The following NCKAP5L variants were observed in gnomAD, a reference collection of about 807,000 sequenced individuals.
NCKAP5L encodes the protein NCK associated protein 5 like, also known as nck-associated protein 5-like.
Under a neutral mutation model 103.2 loss-of-function variants are expected in NCKAP5L, and 54 were observed. The ratio of observed to expected loss-of-function variants is 0.52; its 90% CI spans 0.42 to 0.66. The LOEUF (loss-of-function observed/expected upper bound fraction) is 0.66, where lower values mean the gene tolerates loss of function less well. Among genes scored for constraint, NCKAP5L ranks in the 30% least tolerant of loss-of-function variants. NCKAP5L has a pLI of 0.00. For missense variants in NCKAP5L, 1,733 were observed against 1,750.6 expected, an observed-to-expected ratio of 0.99 and a Z score of 0.18; for synonymous variants, 762 against 748.6, an observed-to-expected ratio of 1.02 and a Z score of -0.29.
In NCKAP5L at chr12:49,792,738, C is replaced by G; in HGVS notation, c.3589G>C (p.Ala1197Pro). ...GCAGCGGGTAGCAGTGCAGGGAAGG[C>G]TGGCATGCTGGGGTGCCGCCCACTC... ...LVSGRHPSMP[A>P]FPALLPAAPG... The change falls in exon 11 of 13, where the codon GCC becomes CCC. Residue 1197 changes from alanine (A) to proline (P), a missense_variant. Coordinates refer to ENST00000335999, the MANE Select transcript of NCKAP5L (RefSeq NM_001037806.4). The surrounding 1 kb of genome is among the most constrained non-coding windows in gnomAD (Gnocchi z 4.5). The G allele has an allele frequency of 6.2e-7, 1 of 1,609,854 alleles. No individual in the cohort carries two copies. The highest frequency in any genetic ancestry group is 8.5e-7 in the Non-Finnish European group (1 of 1,178,752).
chr12:49,825,084 C>A (rs1042064992), intron 1 of NCKAP5L, among the ~76,000 whole-genome samples: 1 of 152,176 alleles, frequency 6.6e-6, no homozygotes, highest in African/African-American at 2.4e-5. Flanking sequence ...CTCACCACCG[C>A]ATGAATCACT....
chr12:49,812,204 T>A, intron 1 of NCKAP5L, among the ~76,000 whole-genome samples: 1 of 152,116 alleles, frequency 6.6e-6, no homozygotes, highest in East Asian at 1.9e-4. Context: ...CCCCACCCAG[T>A]CACAGGCAAC....
chr12:49,800,275 C>T (rs897915283), intron 6 of NCKAP5L, among the ~76,000 whole-genome samples: 1 of 152,220 alleles, frequency 6.6e-6, no homozygotes, highest in South Asian at 2.1e-4. Context: ...CCACACTGTC[C>T]CCTGGGTTCT....
At chr12:49,793,573 T>G in intron 9 of NCKAP5L, 140 bp from the exon 10 acceptor site, 2 of 1,227,672 alleles carry the variant, frequency 1.6e-6, no homozygotes, top group Non-Finnish European at 2.3e-6. Flanking sequence ...TGAGAGCCCC[T>G]GCAGACTGGG....
rs1946004361 is a variant in NCKAP5L at position 49,794,825 on chromosome 12, T to G, written c.3035A>C (p.Gln1012Pro). 1.3e-6 allele frequency: 2 copies of G among 1,543,896 alleles called. No individual in the cohort carries two copies. The highest frequency in any genetic ancestry group is 1.7e-6 in the Non-Finnish European group (2 of 1,145,466). The change falls in exon 8 of 13, where the codon CAG becomes CCG. Residue 1012 changes from glutamine to proline, a missense_variant. Physicochemically the swap from Gln to Pro is moderately conservative, Grantham distance 76. Transcript: ENST00000335999. Reference protein sequence around the residue: ...PGPNTGLGQVQGQLAGMYQGA... With the variant: ...PGPNTGLGQVPGQLAGMYQGA... ...TTGGTACATGCCAGCCAGCTGGCCC[T>G]GCACCTGCCCCAGCCCCGTGTTGGG...
Position 49,797,064 on chromosome 12 carries a change from C to G in NCKAP5L, c.796G>C (p.Gly266Arg), listed in dbSNP as rs567508553. The G allele has an allele frequency of 2.5e-6, 4 of 1,576,018 alleles. No individual in the cohort carries two copies. The South Asian group carries it at 4.6e-5, about 18-fold the overall frequency. The change falls in exon 8 of 13, where the codon GGG (glycine) becomes CGG (arginine). Residue 266 changes from glycine to arginine, a missense_variant. Coordinates refer to ENST00000335999, the MANE Select transcript of NCKAP5L (RefSeq NM_001037806.4). The surrounding 1 kb of genome is among the most constrained non-coding windows in gnomAD (Gnocchi z 4.5). ...CAGGGCCGCCCAGTGTCCTCTTCCC[C>G]TCCCAGACCCCCCAAGAGGCGCTCC... ...HWERLLGGLG[G>R]EEDTGRPWGP...
rs758056393 is a variant in NCKAP5L at position 49,795,821 on chromosome 12, C to G, written c.2039G>C (p.Gly680Ala). 2 of 1,567,530 alleles carry G rather than the reference C, an allele frequency of 1.3e-6. No homozygotes were observed. Among genetic ancestry groups the G allele is most frequent in the Non-Finnish European group, 1.7e-6 (2 of 1,157,118 alleles). ...KLKTGPEGALGSEKNGVPARP... is the reference protein window; with the variant it reads ...KLKTGPEGALASEKNGVPARP... ...GGCTGGCACCCCATTCTTCTCTGAG[C>G]CCAGGGCCCCCTCGGGGCCTGTCTT... Residue 680 changes from glycine to alanine, a missense_variant, in exon 8 of 13, where the codon GGC (glycine) becomes GCC (alanine). Gly to Ala is a moderately conservative substitution (Grantham distance 60, BLOSUM62 0). Coordinates refer to ENST00000335999, the MANE Select transcript of NCKAP5L (RefSeq NM_001037806.4).
chr12:49,821,022 G>A (rs1435407611), intron 1 of NCKAP5L, among the ~76,000 whole-genome samples: 1 of 152,152 alleles, frequency 6.6e-6, no homozygotes, highest in Non-Finnish European at 1.5e-5. Context: ...TGCAGCTGAG[G>A]AGCCAGGTCC....
At position 49,795,346 on chromosome 12, in the gene NCKAP5L, C is replaced by T; in HGVS notation, c.2514G>A (p.Glu838=). ...CCTTCCCTTTGTCAGGCTTGGGGGA[C>T]TCCTTGGTGACTAGCGGAGCCCCAG... ...PRPGAPLVTK[E]SPKPDKGKGP... Residue 838 remains glutamate, a synonymous_variant, in exon 8 of 13, where the codon GAG becomes GAA. Coordinates refer to ENST00000335999, the MANE Select transcript of NCKAP5L (RefSeq NM_001037806.4). 6.5e-7 allele frequency: 1 copy of T among 1,539,922 alleles called. No homozygotes were observed. The highest frequency in any genetic ancestry group is 8.7e-7 in the Non-Finnish European group (1 of 1,149,258).
chr12:49,791,685 T>C lies in NCKAP5L; in HGVS notation c.*154A>G. ...TCTCATCCGCCGAAGCAGTGGGTGGTGGGGTGTGCCAGGGACCCCCTTTTC... is the reference window on the plus strand; with the variant it reads ...TCTCATCCGCCGAAGCAGTGGGTGGCGGGGTGTGCCAGGGACCCCCTTTTC... On this transcript the variant is annotated 3_prime_UTR_variant, in exon 13 of 13. Transcript: ENST00000335999. The C allele has an allele frequency of 1.6e-6, 1 of 614,992 alleles. No individual in the cohort carries two copies. 38.1% of individuals were successfully genotyped at this position (614,992 alleles called of 1,614,324 possible).
chr12:49,795,829 C>T lies in NCKAP5L; in HGVS notation c.2031G>A (p.Gly677=), dbSNP rs1224894328. 1.3e-6 allele frequency: 2 copies of T among 1,565,704 alleles called. No homozygotes were observed. The highest frequency in any genetic ancestry group is 2.4e-5 in the East Asian group (1 of 41,832). ...CCCCATTCTTCTCTGAGCCCAGGGC[C>T]CCCTCGGGGCCTGTCTTCAGCTTCC... ...ALGKLKTGPE[G]ALGSEKNGVP... is the part of the protein sequence containing the mutation. The change falls in exon 8 of 13, where the codon GGG becomes GGA. Residue 677 remains glycine (G), a synonymous_variant. Transcript: ENST00000335999.
chr12:49,815,538 C>A (rs1946286833), intron 1 of NCKAP5L, among the ~76,000 whole-genome samples: 1 of 152,184 alleles, frequency 6.6e-6, no homozygotes, highest in Non-Finnish European at 1.5e-5. Flanking sequence ...CTTTTTAAGA[C>A]AAGTCTTGCC....
At chr12:49,817,182 C>A (rs1946307748) in intron 1 of NCKAP5L, among the ~76,000 whole-genome samples, 1 of 152,146 alleles carries the variant, frequency 6.6e-6, no homozygotes, top group African/African-American at 2.4e-5. Context: ...GTCCCATGTT[C>A]AGGGATTGGA....
At chr12:49,822,155 GC>G (rs1287812698) in intron 1 of NCKAP5L, among the ~76,000 whole-genome samples, 1 of 152,158 alleles carries the variant, frequency 6.6e-6, no homozygotes, top group Non-Finnish European at 1.5e-5. Context: ...ACAATAAGAA[GC>G]CTCTGTCCAG....
chr12:49,814,835 A>G (rs1423659159), intron 1 of NCKAP5L, among the ~76,000 whole-genome samples: 1 of 152,244 alleles, frequency 6.6e-6, no homozygotes, highest in Non-Finnish European at 1.5e-5. Context: ...TTGGTCACCC[A>G]GTCTCCTTAG....
chr12:49,816,564 C>T (rs1946299920), intron 1 of NCKAP5L, among the ~76,000 whole-genome samples: 1 of 146,854 alleles, frequency 6.8e-6, no homozygotes, highest in Non-Finnish European at 1.5e-5. Context: ...CTTTGGGAGG[C>T]CAAGGTGGGT....
At chr12:49,823,371 T>C (rs1361570682) in intron 1 of NCKAP5L, among the ~76,000 whole-genome samples, 1 of 152,122 alleles carries the variant, frequency 6.6e-6, no homozygotes, top group Non-Finnish European at 1.5e-5. Context: ...TCAAGCCAGC[T>C]GGGAGTGAGG....
intron 1 of NCKAP5L, among the ~76,000 whole-genome samples, chr12:49,808,562 A>G (rs1174953882): frequency 6.6e-6 from 1 of 152,218 alleles, no homozygotes; most frequent in African/African-American, 2.4e-5. Context: ...GTCAAGATCC[A>G]GAGAGAGACC....
intron 8 of NCKAP5L, among the ~76,000 whole-genome samples, chr12:49,794,513 C>A (rs960171729): frequency 1.3e-5 from 2 of 152,116 alleles, no homozygotes; most frequent in Admixed American, 6.6e-5. Flanking sequence ...GGTATGGAGA[C>A]CATCCAGGAA....
Sources: allele counts gnomAD v4.1 joint callset (sites outside exome capture counted in the v4.1 genomes callset), GRCh38; gene constraint gnomAD v4.1.1; non-coding constraint Gnocchi (gnomAD v3.1); transcripts MANE v1.5; gene names NCBI Gene and HGNC (gene_info 2026-07-23, HGNC 2026-07-21).